The following PINLYP variants were observed in gnomAD, a reference collection of about 807,000 sequenced individuals.
The protein encoded by PINLYP is phospholipase A2 inhibitor and LY6/PLAUR domain containing.
Under a neutral mutation model 15.8 loss-of-function variants are expected in PINLYP, and 12 were observed. The ratio of observed to expected loss-of-function variants is 0.76; its 90% CI spans 0.49 to 1.23. PINLYP has a LOEUF of 1.23. Ranked by LOEUF, PINLYP falls within the 50% of genes most tolerant of loss-of-function variation. PINLYP has a pLI of 0.00. For missense variants in PINLYP, 278 were observed against 264.2 expected, an observed-to-expected ratio of 1.05 and a Z score of -0.36; for synonymous variants, 93 against 97.7, an observed-to-expected ratio of 0.95 and a Z score of 0.28.
chr19:43,578,772 C>CCCCTG, intron 3 of PINLYP, 66 bp downstream of exon 3: 1 of 1,218,214 alleles, frequency 8.2e-7, no homozygotes, highest in Non-Finnish European at 1.2e-6. Context: ...AAGAGACTAC[C>CCCCTG]ATGCTGAGGG....
exon 6 of PINLYP, chr19:43,582,070 G>A (rs1040500549): frequency 3.9e-5 from 59 of 1,503,424 alleles, no homozygotes; most frequent in African/African-American, 2.4e-4. Flanking sequence ...GTAACTCCCC[G>A]TGTGCCTATA....
intron 1 of PINLYP, 88 bp from the exon 2 acceptor site, chr19:43,577,027 G>A: frequency 7.5e-7 from 1 of 1,331,826 alleles, no homozygotes; most frequent in Non-Finnish European, 1.0e-6. Context: ...AGATGCCCAG[G>A]TCACTTTTGG....
At chr19:43,580,425 A>C in intron 3 of PINLYP, 1 of 643,870 alleles carries the variant, frequency 1.6e-6, no homozygotes, top group Non-Finnish European at 1.9e-6. Flanking sequence ...GGGAGGTCTG[A>C]GGAGTGACCA....
At chr19:43,577,631 G>A (rs896030965) in intron 2 of PINLYP, among the ~76,000 whole-genome samples, 3 of 151,614 alleles carry the variant, frequency 2.0e-5, no homozygotes, top group South Asian at 2.1e-4. Flanking sequence ...GGCCAGGTGC[G>A]GTGGCTCATG....
chr19:43,577,192 A>G (rs1427180603), exon 2 of PINLYP: 6 of 1,536,106 alleles, frequency 3.9e-6, no homozygotes, highest in Non-Finnish European at 5.2e-6. Flanking sequence ...TACACACACC[A>G]TGAGGCTCTC....
chr19:43,581,025 C>A (rs1354311046), intron 3 of PINLYP, 187 bp from the exon 4 acceptor site: 7 of 652,492 alleles, frequency 1.1e-5, no homozygotes, highest in South Asian at 7.4e-5. Context: ...GAGCCAAGAT[C>A]GCGCCATTGC....
intron 3 of PINLYP, chr19:43,580,452 AG>A: frequency 1.2e-6 from 1 of 826,692 alleles, no homozygotes; most frequent in Non-Finnish European, 1.4e-6. Flanking sequence ...GATCTGAGAG[AG>A]GAGGATGCCT....
At chr19:43,579,307 G>A (rs541597702) in intron 3 of PINLYP, among the ~76,000 whole-genome samples, 13 of 152,008 alleles carry the variant, frequency 8.6e-5, no homozygotes, top group African/African-American at 4.8e-5. Flanking sequence ...GTGCAATGGC[G>A]CGATCTCTGC....
chr19:43,580,798 C>A (rs1972921364), intron 3 of PINLYP: 1 of 719,474 alleles, frequency 1.4e-6, no homozygotes, highest in Non-Finnish European at 1.7e-6. Flanking sequence ...CTCTAGGGGG[C>A]TTGAAAGAGA....
At chr19:43,577,051 C>A in intron 1 of PINLYP, 64 bp from the exon 2 acceptor site, 1 of 1,471,006 alleles carries the variant, frequency 6.8e-7, no homozygotes, top group Non-Finnish European at 9.0e-7. Flanking sequence ...CTGGTTCTGC[C>A]TTCCCAACCC....
At chr19:43,577,384 C>A in intron 2 of PINLYP, 123 bp downstream of exon 2, 2 of 1,063,566 alleles carry the variant, frequency 1.9e-6, no homozygotes, top group Non-Finnish European at 2.6e-6. Context: ...AACGGGGAGG[C>A]ATTCTGGAAA....
At chr19:43,577,600 A>AG (rs1828202615) in intron 2 of PINLYP, among the ~76,000 whole-genome samples, 1 of 147,502 alleles carries the variant, frequency 6.8e-6, no homozygotes, top group Non-Finnish European at 1.5e-5. Flanking sequence ...AATATAATTA[A>AG]AAAAAAAAAA....
upstream of PINLYP, chr19:43,575,653 C>A (rs1295397093): frequency 4.9e-5 from 23 of 465,728 alleles, no homozygotes; most frequent in Non-Finnish European, 7.4e-5. Flanking sequence ...CTCTCCAGAG[C>A]GGGAAGAGCG....
exon 1 of PINLYP, among the ~76,000 whole-genome samples, chr19:43,576,282 T>G (rs1972861616): frequency 6.6e-6 from 1 of 152,034 alleles, no homozygotes; most frequent in South Asian, 2.1e-4. Flanking sequence ...CGCAACAGGA[T>G]CTCTTCAAAT....
rs1344032548 is a variant in PINLYP at position 43,577,100 on chromosome 19, T to C, written c.-77-15T>C. ...GACTGCCCTGGGTTCTGACCTCAGC[T>C]ATTTCTCCCCGTAGGGTGAATGTGG... On this transcript the variant is annotated splice_polypyrimidine_tract_variant and intron_variant, in intron 1 of 5. Coordinates refer to ENST00000599207, the Ensembl canonical transcript of PINLYP. 2.0e-6 allele frequency: 3 copies of C among 1,534,776 alleles called. No individual in the cohort carries two copies. Among genetic ancestry groups the C allele is most frequent in the Non-Finnish European group, 8.7e-7 (1 of 1,146,478 alleles).
At chr19:43,576,043 A>C (rs1972858437) in exon 1 of PINLYP, 1 of 152,056 alleles carries the variant, frequency 6.6e-6, no homozygotes. Context: ...CTGGGATTAC[A>C]CGCACGCGCC....
chr19:43,581,037 C>T, intron 3 of PINLYP, 175 bp from the exon 4 acceptor site: 1 of 786,890 alleles, frequency 1.3e-6, no homozygotes, highest in Non-Finnish European at 1.9e-6. Context: ...CGCCATTGCA[C>T]TCCAGCCTGG....
At chr19:43,578,805 C>CG (rs1555771743) in intron 3 of PINLYP, 99 bp downstream of exon 3, 1 of 886,728 alleles carries the variant, frequency 1.1e-6, no homozygotes, top group South Asian at 1.5e-5. Context: ...GTTCTCAAGA[C>CG]GGGAGCGTGG....
chr19:43,578,980 G>A, intron 3 of PINLYP: 1 of 361,498 alleles, frequency 2.8e-6, no homozygotes, highest in South Asian at 2.4e-5. Context: ...GACTTTCTTA[G>A]GCAGAAGAGG....
Sources: gnomAD v4.1 joint callset for allele counts (sites outside exome capture counted in the v4.1 genomes callset) on GRCh38, gnomAD v4.1.1 for gene constraint, MANE v1.5 for transcripts, NCBI Gene and HGNC (gene_info 2026-07-23, HGNC 2026-07-21) for gene names.